The following NNAT variants were observed in gnomAD, a reference collection of about 807,000 sequenced individuals.
The protein encoded by NNAT is neuronatin.
A neutral mutation model predicts 12.7 loss-of-function variants in NNAT; 8 were observed. That is an observed-to-expected ratio of 0.63 (90% CI 0.37 to 1.14). NNAT has a LOEUF of 1.14. Among genes scored for constraint, NNAT ranks in the 50% most tolerant of loss-of-function variants. The pLI, the probability that NNAT is intolerant of heterozygous loss-of-function variation, is 0.01. For synonymous variants in NNAT, 52 were observed against 48.5 expected (o/e 1.07, Z -0.30); for missense variants, 94 against 108.3 (o/e 0.87, Z 0.59).
chr20:37,521,375 G>C lies in NNAT; in HGVS notation c.44G>C (p.Gly15Ala). Residue 15 changes from glycine to alanine, a missense_variant, in exon 1 of 3, where the codon GGC becomes GCC. By Grantham distance (60) the Gly-to-Ala change is moderately conservative (BLOSUM62 0). Coordinates refer to ENST00000649451, the MANE Select transcript of NNAT (RefSeq NM_005386.4). This position sits in a 1 kb window ranked among gnomAD's most constrained non-coding sequence, Gnocchi z 4.5. ...AAASAELLII[G>A]WYIFRVLLQV... The stretch of plus-strand genomic sequence containing the variant: ...GCCTCGGCTGAACTGCTCATCATCG[G>C]CTGGTACATCTTCCGCGTGCTGCTG... The C allele has an allele frequency of 6.2e-7, 1 of 1,614,136 alleles. No individual in the cohort carries two copies. Among genetic ancestry groups the C allele is most frequent in the East Asian group, 2.2e-5 (1 of 44,880 alleles).
intron 1 of NNAT, among the ~76,000 whole-genome samples, chr20:37,522,130 GA>G (rs1167414114): frequency 8.8e-6 from 1 of 113,828 alleles, no homozygotes; most frequent in Non-Finnish European, 1.9e-5. Context: ...CCCCTCGAGA[GA>G]AAAATAGAAG....
chr20:37,521,392 G>A lies in NNAT; in HGVS notation c.61G>A (p.Val21Met), dbSNP rs1270470481. 1.2e-6 allele frequency: 2 copies of A among 1,614,000 alleles called. No individual in the cohort carries two copies. Among genetic ancestry groups the A allele is most frequent in the African/African-American group, 1.3e-5 (1 of 74,914 alleles). ...LLIIGWYIFR[V>M]LLQVFLECCI... ...CATCATCGGCTGGTACATCTTCCGC[G>A]TGCTGCTGCAGGTAAGTCTGACGGG... Residue 21 changes from valine (V) to methionine (M), a missense_variant, in exon 1 of 3, where the codon GTG becomes ATG. Coordinates refer to ENST00000649451, the MANE Select transcript of NNAT (RefSeq NM_005386.4). This position sits in a 1 kb window ranked among gnomAD's most constrained non-coding sequence, Gnocchi z 4.5.
At position 37,521,306 on chromosome 20, in the gene NNAT, A is replaced by AC; in HGVS notation, c.-24dup. ...GGATCTCGGCAAACCCTCTTTCTCG[A>AC]CCACCCACCTACCATTCTTGGAACC... On this transcript the variant is annotated 5_prime_UTR_variant, in exon 1 of 3. Transcript: ENST00000649451. The surrounding 1 kb of genome is among the most constrained non-coding windows in gnomAD (Gnocchi z 4.5). The AC allele has an allele frequency of 6.2e-7, 1 of 1,612,670 alleles. No homozygotes were observed. The highest frequency in any genetic ancestry group is 8.5e-7 in the Non-Finnish European group (1 of 1,178,864).
Position 37,522,428 on chromosome 20 carries a change from C to T in NNAT, c.143C>T (p.Ala48Val). The change falls in exon 2 of 3, where the codon GCG becomes GTG. Residue 48 changes from alanine (A) to valine (V), a missense_variant. Coordinates refer to ENST00000649451, the MANE Select transcript of NNAT (RefSeq NM_005386.4). ...AATCCTCCAGGGACACAGCCCATTG[C>T]GAGAAGTGAGGTATACCTAAGTTGT... ...FRNPPGTQPI[A>V]RSEVFRYSLQ... 6.2e-7 allele frequency: 1 copy of T among 1,613,686 alleles called. No individual in the cohort carries two copies. The highest frequency in any genetic ancestry group is 8.5e-7 in the Non-Finnish European group (1 of 1,179,826).
At position 37,522,674 on chromosome 20, in the gene NNAT, G is replaced by A; in HGVS notation, c.161G>A (p.Arg54Lys). The A allele has an allele frequency of 1.2e-6, 2 of 1,611,626 alleles. No homozygotes were observed. Among genetic ancestry groups the A allele is most frequent in the Non-Finnish European group, 8.5e-7 (1 of 1,179,136 alleles). The change falls in exon 3 of 3, where the codon AGG becomes AAG. Residue 54 changes from arginine (R) to lysine (K), a missense_variant. By Grantham distance (26) the Arg-to-Lys change is conservative (BLOSUM62 2). Coordinates refer to ENST00000649451, the MANE Select transcript of NNAT (RefSeq NM_005386.4). ...TQPIARSEVFRYSLQKLAYTV... is the reference protein window; with the variant it reads ...TQPIARSEVFKYSLQKLAYTV... ...CTGGGTTTCTCGTCGCAGGTGTTCA[G>A]GTACTCCCTGCAGAAGCTGGCATAC...
chr20:37,521,432 A>C lies in NNAT; in HGVS notation c.72+29A>C, dbSNP rs757810678. 3.7e-6 allele frequency: 6 copies of C among 1,608,428 alleles called. No homozygotes were observed. Among genetic ancestry groups the C allele is most frequent in the Non-Finnish European group, 8.5e-7 (1 of 1,174,888 alleles). ...AGTCTGACGGGGTTTCGGGTGGGAG[A>C]GGGTTCCCAACTCGCGCCCCTAGAA... On this transcript the variant is annotated intron_variant, in intron 1 of 2. Transcript: ENST00000649451. This position sits in a 1 kb window ranked among gnomAD's most constrained non-coding sequence, Gnocchi z 4.5.
Position 37,522,493 on chromosome 20 carries a change from T to C in NNAT, c.153+55T>C, listed in dbSNP as rs567077393. 5.0e-5 allele frequency: 77 copies of C among 1,543,144 alleles called. No individual in the cohort carries two copies. In the African/African-American group the frequency reaches 8.4e-4, roughly 17 times the overall value. ...TGCCGCCATGCAGCTCTCAGCACAGTTGGAAAAGCTCCAGCTGCCCTGACT... is the reference window on the plus strand; with the variant it reads ...TGCCGCCATGCAGCTCTCAGCACAGCTGGAAAAGCTCCAGCTGCCCTGACT... On this transcript the variant is annotated intron_variant, in intron 2 of 2. Transcript: ENST00000649451.
Position 37,521,514 on chromosome 20 carries a change from C to T in NNAT, c.72+111C>T, listed in dbSNP as rs8114682. On this transcript the variant is annotated intron_variant, in intron 1 of 2. Coordinates refer to ENST00000649451, the MANE Select transcript of NNAT (RefSeq NM_005386.4). This position sits in a 1 kb window ranked among gnomAD's most constrained non-coding sequence, Gnocchi z 4.5. Reference sequence around the variant, plus strand: ...CGGACCCGTCCTATTCCGATTGCCGCGATCCTTGCCTGCCCAAGTGCCGCT... The same window carrying T: ...CGGACCCGTCCTATTCCGATTGCCGTGATCCTTGCCTGCCCAAGTGCCGCT... The T allele has an allele frequency of 3.1e-3, 3,393 of 1,099,404 alleles. 69 individuals carry two copies. The African/African-American group carries it at 0.046, about 15-fold the overall frequency. The allele number at this position is 1,099,404 out of a possible 1,614,324, so 68.1% of individuals were successfully genotyped here. A position where few individuals can be genotyped will look rare whatever the true frequency, so the allele number is the denominator to read the frequency against.
At chr20:37,522,589 CG>C in intron 2 of NNAT, 77 bp from the exon 3 acceptor site, 1 of 662,400 alleles carries the variant, frequency 1.5e-6, no homozygotes, top group Non-Finnish European at 2.1e-6. Flanking sequence ...GGGGGTGGGG[CG>C]GGGGTGGGCA....
At position 37,521,645 on chromosome 20, in the gene NNAT, G is replaced by A. The variant is rs574195159; in HGVS notation, c.72+242G>A. 9.5e-6 allele frequency: 5 copies of A among 525,530 alleles called. No individual in the cohort carries two copies. In the Admixed American group the frequency reaches 1.7e-4, roughly 18 times the overall value. 32.6% of individuals were successfully genotyped at this position (525,530 alleles called of 1,614,324 possible). A position where few individuals can be genotyped will look rare whatever the true frequency, so the allele number is the denominator to read the frequency against. On this transcript the variant is annotated intron_variant, in intron 1 of 2. Transcript: ENST00000649451. This position sits in a 1 kb window ranked among gnomAD's most constrained non-coding sequence, Gnocchi z 4.5. ...GGAACAAAGACTCGGGGCGCGGCGG[G>A]CGACCGCTGCGGACGATCACCCAGG...
rs1257687488 is a variant in NNAT at position 37,521,550 on chromosome 20, C to G, written c.72+147C>G. On this transcript the variant is annotated intron_variant, in intron 1 of 2. Coordinates refer to ENST00000649451, the MANE Select transcript of NNAT (RefSeq NM_005386.4). The surrounding 1 kb of genome is among the most constrained non-coding windows in gnomAD (Gnocchi z 4.5). ...TGCCCAAGTGCCGCTGCCGGCACCG[C>G]GCGCCCCCTGCCCATTCCCTGCGCC... 6 of 783,366 alleles carry G rather than the reference C, an allele frequency of 7.7e-6. No homozygotes were observed. The highest frequency in any genetic ancestry group is 1.1e-5 in the Non-Finnish European group (5 of 472,754). The allele number at this position is 783,366 out of a possible 1,614,324, so 48.5% of individuals were successfully genotyped here.
At position 37,522,235 on chromosome 20, in the gene NNAT, A is replaced by G. The variant is rs191235002; in HGVS notation, c.73-123A>G. The stretch of plus-strand genomic sequence containing the variant: ...AAAAGAGGCAAAAGCGCTTGGTGTA[A>G]AAAGAGATAAATCAGAAGAAAGCGC... On this transcript the variant is annotated intron_variant, in intron 1 of 2. Transcript: ENST00000649451. 9.3e-6 allele frequency: 5 copies of G among 539,600 alleles called. No individual in the cohort carries two copies. The East Asian group carries it at 1.6e-4, about 17-fold the overall frequency. 33.4% of individuals were successfully genotyped at this position (539,600 alleles called of 1,614,324 possible).
rs986635896 is a variant in NNAT at position 37,521,767 on chromosome 20, G to T, written c.72+364G>T. ...ACTGTGTTGAAAGACTTTACAGCTC[G>T]CAGAGTGAAAATTTTCCACCTTAAA... is the stretch of plus-strand genomic sequence containing the variant. On this transcript the variant is annotated intron_variant, in intron 1 of 2. Coordinates refer to ENST00000649451, the MANE Select transcript of NNAT (RefSeq NM_005386.4). This position sits in a 1 kb window ranked among gnomAD's most constrained non-coding sequence, Gnocchi z 4.5. 10 of 192,120 alleles carry T rather than the reference G, an allele frequency of 5.2e-5. No homozygotes were observed. Among genetic ancestry groups the T allele is most frequent in the Admixed American group, 6.0e-5 (1 of 16,562 alleles). The allele number at this position is 192,120 out of a possible 1,614,324, so 11.9% of individuals were successfully genotyped here.
At chr20:37,522,210 A>T in intron 1 of NNAT, 148 bp from the exon 2 acceptor site, 1 of 408,276 alleles carries the variant, frequency 2.4e-6, no homozygotes, top group East Asian at 3.6e-5. Flanking sequence ...AAAAAAATAA[A>T]AAAGAGGCAA....
In NNAT at chr20:37,522,383, G is replaced by T; in HGVS notation, c.98G>T (p.Trp33Leu). 2 of 1,613,850 alleles carry T rather than the reference G, an allele frequency of 1.2e-6. No individual in the cohort carries two copies. Among genetic ancestry groups the T allele is most frequent in the South Asian group, 2.2e-5 (2 of 91,060 alleles). The part of the protein sequence containing the change: ...LQVFLECCIY[W>L]VGFAFRNPPG... ...GTGTTCCTGGAATGCTGCATTTACT[G>T]GGTAGGATTCGCTTTTCGAAATCCT... The change falls in exon 2 of 3, where the codon TGG becomes TTG. Residue 33 changes from tryptophan to leucine, a missense_variant. By Grantham distance (61) the Trp-to-Leu change is moderately conservative (BLOSUM62 -2). Transcript: ENST00000649451.
chr20:37,521,483 G>A lies in NNAT; in HGVS notation c.72+80G>A. 2 of 1,397,610 alleles carry A rather than the reference G, an allele frequency of 1.4e-6. No individual in the cohort carries two copies. Among genetic ancestry groups the A allele is most frequent in the Non-Finnish European group, 2.0e-6 (2 of 984,684 alleles). The allele number at this position is 1,397,610 out of a possible 1,614,324, so 86.6% of individuals were successfully genotyped here. A position where few individuals can be genotyped will look rare whatever the true frequency, so the allele number is the denominator to read the frequency against. ...CCCGCAAGACTGCGTCGCGATTGCC[G>A]CTTCCCGGACCCGTCCTATTCCGAT... On this transcript the variant is annotated intron_variant, in intron 1 of 2. Coordinates refer to ENST00000649451, the MANE Select transcript of NNAT (RefSeq NM_005386.4). This position sits in a 1 kb window ranked among gnomAD's most constrained non-coding sequence, Gnocchi z 4.5.
Position 37,521,596 on chromosome 20 carries a change from C to T in NNAT, c.72+193C>T. ...GCGCCGTCCTCCTCGCGCTGACCCT[C>T]CCTAGTGCGCCCGCGCCTGCCAGGG... On this transcript the variant is annotated intron_variant, in intron 1 of 2. Coordinates refer to ENST00000649451, the MANE Select transcript of NNAT (RefSeq NM_005386.4). This position sits in a 1 kb window ranked among gnomAD's most constrained non-coding sequence, Gnocchi z 4.5. The T allele has an allele frequency of 1.7e-6, 1 of 590,046 alleles. No homozygotes were observed. Among genetic ancestry groups the T allele is most frequent in the Non-Finnish European group, 3.0e-6 (1 of 335,256 alleles). 36.6% of individuals were successfully genotyped at this position (590,046 alleles called of 1,614,324 possible). A position where few individuals can be genotyped will look rare whatever the true frequency, so the allele number is the denominator to read the frequency against.
Position 37,521,450 on chromosome 20 carries a change from C to A in NNAT, c.72+47C>A, listed in dbSNP as rs1222002970. On this transcript the variant is annotated intron_variant, in intron 1 of 2. Coordinates refer to ENST00000649451, the MANE Select transcript of NNAT (RefSeq NM_005386.4). This position sits in a 1 kb window ranked among gnomAD's most constrained non-coding sequence, Gnocchi z 4.5. ...GTGGGAGAGGGTTCCCAACTCGCGC[C>A]CCTAGAACCCGCAAGACTGCGTCGC... The A allele has an allele frequency of 6.3e-7, 1 of 1,575,604 alleles. No individual in the cohort carries two copies. Among genetic ancestry groups the A allele is most frequent in the East Asian group, 2.2e-5 (1 of 44,720 alleles).
At position 37,522,198 on chromosome 20, in the gene NNAT, T is replaced by TAAA. The variant is rs5841264; in HGVS notation, c.73-154_73-152dup. ...TGCTTTACAAAAAAAAAAATAATAA[T>TAAA]AAAAAAAATAAAAAAGAGGCAAAAG... is the stretch of plus-strand genomic sequence containing the variant. On this transcript the variant is annotated intron_variant, in intron 1 of 2. Coordinates refer to ENST00000649451, the MANE Select transcript of NNAT (RefSeq NM_005386.4). Among the ~76,000 whole-genome samples, 18 of 144,990 alleles carry TAAA rather than the reference T, an allele frequency of 1.2e-4. No individual in the cohort carries two copies. The East Asian group carries it at 2.0e-3, about 16-fold the overall frequency.
Sources: allele counts gnomAD v4.1 joint callset (sites outside exome capture counted in the v4.1 genomes callset), GRCh38; gene constraint gnomAD v4.1.1; non-coding constraint Gnocchi (gnomAD v3.1); transcripts MANE v1.5; gene names NCBI Gene and HGNC (gene_info 2026-07-23, HGNC 2026-07-21).